PRKAR2B: variants seen among roughly 807,000 people sequenced by gnomAD.
PRKAR2B encodes cAMP-dependent protein kinase type II-beta regulatory subunit.
A neutral mutation model predicts 49.9 loss-of-function variants in PRKAR2B; 14 were observed. The observed-to-expected ratio is 0.28, with a 90% CI of 0.19 to 0.44. PRKAR2B has a LOEUF of 0.44. Ranked by LOEUF, PRKAR2B falls within the 20% of genes least tolerant of loss-of-function variation. PRKAR2B has a pLI of 1.00. For missense variants in PRKAR2B, 393 were observed against 537.9 expected, an observed-to-expected ratio of 0.73 and a Z score of 2.67; for synonymous variants, 196 against 197.7, an observed-to-expected ratio of 0.99 and a Z score of 0.07.
intron 2 of PRKAR2B, among the ~76,000 whole-genome samples, chr7:107,089,666 C>A (rs1478579766): frequency 1.3e-5 from 2 of 152,168 alleles, no homozygotes; most frequent in African/African-American, 4.8e-5. Flanking sequence ...GGCAGTGGTT[C>A]TGAAATACAT....
intron 7 of PRKAR2B, among the ~76,000 whole-genome samples, chr7:107,152,720 C>T (rs1484286350): frequency 6.6e-6 from 1 of 152,198 alleles, no homozygotes; most frequent in Non-Finnish European, 1.5e-5. Flanking sequence ...CAGCTTACAT[C>T]TGGTAAAAAT....
At chr7:107,093,996 G>A (rs1794787303) in intron 2 of PRKAR2B, among the ~76,000 whole-genome samples, 1 of 152,172 alleles carries the variant, frequency 6.6e-6, no homozygotes, top group African/African-American at 2.4e-5. Context: ...CTTTATAGCA[G>A]CATGATTTAT....
At chr7:107,151,641 C>G (rs998833865) in intron 7 of PRKAR2B, among the ~76,000 whole-genome samples, 4 of 152,186 alleles carry the variant, frequency 2.6e-5, no homozygotes, top group African/African-American at 9.7e-5. Context: ...CTCAGCCTAG[C>G]CTACCTGAAA....
rs1794827774 is a variant in PRKAR2B at position 107,095,907 on chromosome 7, G to C, written c.343+25591G>C. 2.6e-5 allele frequency among the ~76,000 whole-genome samples: 4 copies of C among 152,202 alleles called. No homozygotes were observed. In the South Asian group the frequency reaches 6.2e-4, roughly 24 times the overall value. On this transcript the variant is annotated intron_variant, in intron 2 of 10. Coordinates refer to ENST00000265717, the MANE Select transcript of PRKAR2B (RefSeq NM_002736.3). ...ATGTGCTGCTGGATTCAGTTTGCGA[G>C]TATTTCATTGAGGATTTTTGCATCG...
intron 1 of PRKAR2B, among the ~76,000 whole-genome samples, chr7:107,055,884 C>T (rs1348395552): frequency 6.6e-6 from 1 of 152,100 alleles, no homozygotes; most frequent in Non-Finnish European, 1.5e-5. Flanking sequence ...ACATGAAGTC[C>T]TTGCCCATGC....
intron 2 of PRKAR2B, among the ~76,000 whole-genome samples, chr7:107,103,324 C>T (rs1343703765): frequency 2.0e-5 from 3 of 152,194 alleles, no homozygotes; most frequent in African/African-American, 7.2e-5. Context: ...ATTGAGCCAA[C>T]GTCTACCTCA....
chr7:107,144,021 A>G (rs74978065), intron 5 of PRKAR2B, among the ~76,000 whole-genome samples: 35 of 152,154 alleles, frequency 2.3e-4, no homozygotes, highest in Non-Finnish European at 3.8e-4. Flanking sequence ...CAGTCATTCT[A>G]TCCGTGAATG....
In PRKAR2B at chr7:107,159,712, C is replaced by T. The variant is rs1236627957; in HGVS notation, c.*130C>T. The T allele has an allele frequency of 8.7e-6, 8 of 921,334 alleles. No homozygotes were observed. Among genetic ancestry groups the T allele is most frequent in the East Asian group, 5.1e-5 (2 of 38,924 alleles). The allele number at this position is 921,334 out of a possible 1,614,324, so 57.1% of individuals were successfully genotyped here. A position where few individuals can be genotyped will look rare whatever the true frequency, so the allele number is the denominator to read the frequency against. ...TTTTTTCCTTTTTTTACATTTACAA[C>T]GTATCAATAAACAGTAGTGATTTAA... On this transcript the variant is annotated 3_prime_UTR_variant, in exon 11 of 11. Transcript: ENST00000265717.
At chr7:107,104,319 G>T (rs1213579397) in intron 2 of PRKAR2B, among the ~76,000 whole-genome samples, 1 of 152,204 alleles carries the variant, frequency 6.6e-6, no homozygotes, top group Non-Finnish European at 1.5e-5. Flanking sequence ...ACAGGCATGA[G>T]CCACTATGCC....
chr7:107,074,973 C>T (rs1245768558), intron 2 of PRKAR2B, among the ~76,000 whole-genome samples: 1 of 151,812 alleles, frequency 6.6e-6, no homozygotes, highest in Non-Finnish European at 1.5e-5. Flanking sequence ...TTCCCATTTT[C>T]TCTGTGAATT....
At chr7:107,108,403 C>CT (rs1397554660) in intron 2 of PRKAR2B, among the ~76,000 whole-genome samples, 3 of 152,134 alleles carry the variant, frequency 2.0e-5, no homozygotes, top group South Asian at 4.1e-4. Context: ...TTATTAGAGA[C>CT]TAAAGAGACA....
At chr7:107,082,863 G>T (rs920523527) in intron 2 of PRKAR2B, among the ~76,000 whole-genome samples, 2 of 152,156 alleles carry the variant, frequency 1.3e-5, no homozygotes, top group Non-Finnish European at 2.9e-5. Context: ...GTCTCCCAAA[G>T]TGTTGGGATT....
chr7:107,099,639 CT>C (rs71134250), intron 2 of PRKAR2B, among the ~76,000 whole-genome samples: 47,944 of 134,028 alleles, frequency 0.36, 9,119 homozygotes, highest in Non-Finnish European at 0.47. Flanking sequence ...CATGAGAAAT[CT>C]TTTTTTTTTT....
At chr7:107,077,799 T>C (rs1794428125) in intron 2 of PRKAR2B, 1 of 152,256 alleles carries the variant, frequency 6.6e-6, no homozygotes. Context: ...TCTGTGTGTG[T>C]GTATCCTTAG....
intron 2 of PRKAR2B, among the ~76,000 whole-genome samples, chr7:107,072,699 T>G (rs961992514): frequency 6.6e-6 from 1 of 151,414 alleles, no homozygotes. Context: ...GTAATAGAGA[T>G]GTACATTAAC....
chr7:107,065,658 GC>G (rs1794123485), intron 1 of PRKAR2B, among the ~76,000 whole-genome samples: 1 of 152,098 alleles, frequency 6.6e-6, no homozygotes, highest in African/African-American at 2.4e-5. Context: ...CAATTCCAGT[GC>G]CCAGCATCCA....
intron 2 of PRKAR2B, 51 bp downstream of exon 2, chr7:107,070,367 A>G (rs766361113): frequency 1.2e-5 from 18 of 1,456,972 alleles, no homozygotes; most frequent in Non-Finnish European, 1.6e-5. Flanking sequence ...ACATTTAAAA[A>G]ATGATAATAT....
At chr7:107,056,752 T>C (rs573680509) in intron 1 of PRKAR2B, among the ~76,000 whole-genome samples, 1 of 152,332 alleles carries the variant, frequency 6.6e-6, no homozygotes, top group South Asian at 2.1e-4. Context: ...AATAGTCTCC[T>C]AGTAATGTTT....
At chr7:107,113,005 A>G (rs967304419) in intron 2 of PRKAR2B, among the ~76,000 whole-genome samples, 3 of 152,144 alleles carry the variant, frequency 2.0e-5, no homozygotes, top group Admixed American at 6.5e-5. Flanking sequence ...TTTTAGTTCA[A>G]ATTGCTCATC....
Sources: gnomAD v4.1 joint callset for allele counts (sites outside exome capture counted in the v4.1 genomes callset) on GRCh38, gnomAD v4.1.1 for gene constraint, MANE v1.5 for transcripts, NCBI Gene and HGNC (gene_info 2026-07-23, HGNC 2026-07-21) for gene names.